Variants in MEGF11 observed in about 807,000 individuals in gnomAD.
MEGF11 encodes multiple epidermal growth factor-like domains protein 11.
Under a neutral mutation model 146.6 loss-of-function variants are expected in MEGF11, and 126 were observed. The ratio of observed to expected loss-of-function variants is 0.86; its 90% CI spans 0.74 to 1.00. MEGF11 has a LOEUF of 1.00. MEGF11 is among the 50% of genes least tolerant of loss of function. MEGF11 has a pLI of 0.00. For missense variants in MEGF11, 1,509 were observed against 1,521.2 expected (o/e 0.99, Z 0.13); for synonymous variants, 532 against 583.4 (o/e 0.91, Z 1.27).
chr15:66,194,720 C>A (rs2090967225), intron 1 of MEGF11, among the ~76,000 whole-genome samples: 2 of 152,002 alleles, frequency 1.3e-5, no homozygotes, highest in Admixed American at 1.3e-4. Flanking sequence ...GTACAGTGTA[C>A]ACTGCTTGGG....
intron 5 of MEGF11, among the ~76,000 whole-genome samples, chr15:66,055,878 A>G (rs1412163830): frequency 6.6e-6 from 1 of 152,184 alleles, no homozygotes; most frequent in Admixed American, 6.5e-5. Flanking sequence ...TGGCCAGGAT[A>G]AAAAAGAAGC....
At chr15:66,225,379 T>C (rs993292176) in intron 1 of MEGF11, among the ~76,000 whole-genome samples, 3 of 152,220 alleles carry the variant, frequency 2.0e-5, no homozygotes, top group Admixed American at 2.0e-4. Flanking sequence ...AGAAAGGCAA[T>C]GGCTGAGGAT....
At chr15:65,950,167 A>G (rs333549) in intron 10 of MEGF11, among the ~76,000 whole-genome samples, 147,587 of 152,336 alleles carry the variant, frequency 0.97, 71,681 homozygotes, top group East Asian at 1. Flanking sequence ...CATCAACAGC[A>G]ATAACAGCTA....
chr15:66,115,648 T>G (rs532814914), intron 4 of MEGF11, among the ~76,000 whole-genome samples: 1 of 152,182 alleles, frequency 6.6e-6, no homozygotes, highest in South Asian at 2.1e-4. Context: ...ATTTCCTATG[T>G]TAAAGTCTCA....
chr15:66,039,220 A>C (rs916777269), intron 5 of MEGF11, among the ~76,000 whole-genome samples: 4 of 152,160 alleles, frequency 2.6e-5, no homozygotes, highest in Admixed American at 2.6e-4. Flanking sequence ...AAGACAGAGG[A>C]ACTTCCATTC....
intron 1 of MEGF11, 65 bp from the exon 2 acceptor site, chr15:66,128,476 T>A: frequency 1.0e-6 from 1 of 963,320 alleles, no homozygotes; most frequent in Non-Finnish European, 1.4e-6. Context: ...CTACTTAGTT[T>A]CCCATCGTCG....
At chr15:66,003,036 G>T (rs2082412965) in intron 5 of MEGF11, among the ~76,000 whole-genome samples, 1 of 151,420 alleles carries the variant, frequency 6.6e-6, no homozygotes, top group Non-Finnish European at 1.5e-5. Flanking sequence ...TGTCACCCAG[G>T]CTGGAGTCAT....
At chr15:65,986,793 C>CTTTTTTT (rs34991788) in intron 5 of MEGF11, among the ~76,000 whole-genome samples, 1 of 121,332 alleles carries the variant, frequency 8.2e-6, no homozygotes, top group African/African-American at 3.1e-5. Context: ...CTGATTTTTC[C>CTTTTTTT]TTTTTTTTTT....
intron 5 of MEGF11, among the ~76,000 whole-genome samples, chr15:66,049,897 C>T (rs2084381111): frequency 6.6e-6 from 1 of 152,212 alleles, no homozygotes; most frequent in Admixed American, 6.5e-5. Flanking sequence ...CTCTCTGTCT[C>T]TGTAATCTAT....
At chr15:66,234,110 G>A (rs1370275269) in intron 1 of MEGF11, among the ~76,000 whole-genome samples, 1 of 151,932 alleles carries the variant, frequency 6.6e-6, no homozygotes, top group African/African-American at 2.4e-5. Flanking sequence ...TGCTGGCCAG[G>A]CTGGTCTCAA....
At chr15:66,216,722 C>T (rs759686117) in intron 1 of MEGF11, among the ~76,000 whole-genome samples, 19 of 152,150 alleles carry the variant, frequency 1.2e-4, no homozygotes, top group Non-Finnish European at 2.2e-4. Flanking sequence ...CAGAAATGGA[C>T]GTATCTCAGG....
intron 1 of MEGF11, among the ~76,000 whole-genome samples, chr15:66,247,626 A>G (rs781676256): frequency 6.6e-6 from 1 of 152,168 alleles, no homozygotes; most frequent in Admixed American, 6.5e-5. Flanking sequence ...CTGTGGTCCC[A>G]TCTACTCAGG....
At chr15:66,004,120 C>G (rs1404274117) in intron 5 of MEGF11, among the ~76,000 whole-genome samples, 1 of 152,116 alleles carries the variant, frequency 6.6e-6, no homozygotes, top group Non-Finnish European at 1.5e-5. Flanking sequence ...ACCCAAACAC[C>G]TGTAAAACGG....
At chr15:66,055,034 C>G (rs757651412) in intron 5 of MEGF11, among the ~76,000 whole-genome samples, 1 of 152,152 alleles carries the variant, frequency 6.6e-6, no homozygotes, top group Non-Finnish European at 1.5e-5. Context: ...TGAGTACAGA[C>G]TTAGAATCTG....
chr15:66,079,752 C>A (rs925491339), intron 5 of MEGF11, among the ~76,000 whole-genome samples: 4 of 152,170 alleles, frequency 2.6e-5, no homozygotes, highest in Admixed American at 6.5e-5. Context: ...CTCTCAGGTG[C>A]GTTTACCTGG....
chr15:66,196,757 G>T (rs990336537), intron 1 of MEGF11, among the ~76,000 whole-genome samples: 1 of 152,204 alleles, frequency 6.6e-6, no homozygotes, highest in African/African-American at 2.4e-5. Flanking sequence ...ATGGCTCAAA[G>T]TGGTTTCCCT....
At chr15:66,007,979 G>T (rs1028880885) in intron 5 of MEGF11, among the ~76,000 whole-genome samples, 11 of 152,316 alleles carry the variant, frequency 7.2e-5, no homozygotes, top group Non-Finnish European at 1.2e-4. Context: ...GGTTGTCAGG[G>T]TTTCAGGCCC....
chr15:65,985,173 T>C (rs990991786), intron 5 of MEGF11, among the ~76,000 whole-genome samples: 5 of 152,236 alleles, frequency 3.3e-5, no homozygotes, highest in Non-Finnish European at 5.9e-5. Context: ...AGTTAGGTTT[T>C]CTTATTTTCC....
rs1235228320 is a variant in MEGF11 at position 66,176,978 on chromosome 15, C to G, written c.-8-48567G>C. 2.0e-5 allele frequency among the ~76,000 whole-genome samples: 3 copies of G among 152,318 alleles called. No individual in the cohort carries two copies. The East Asian group carries it at 5.8e-4, about 29-fold the overall frequency. ...CCATGCCTAGGCCAGCCCACTCCCT[C>G]CCTTACCATTTGATCTAACCCCTGG... On this transcript the variant is annotated intron_variant, in intron 1 of 25. Transcript: ENST00000395614.
Sources: gnomAD v4.1 joint callset for allele counts (sites outside exome capture counted in the v4.1 genomes callset) on GRCh38, gnomAD v4.1.1 for gene constraint, MANE v1.5 for transcripts, NCBI Gene and HGNC (gene_info 2026-07-23, HGNC 2026-07-21) for gene names.